Variants in STAU2 observed in about 807,000 individuals in gnomAD.
STAU2 encodes the protein double-stranded RNA-binding protein Staufen homolog 2.
A neutral mutation model predicts 65.9 loss-of-function variants in STAU2; 20 were observed. That is an observed-to-expected ratio of 0.30 (90% CI 0.21 to 0.44). The LOEUF is 0.44. Ranked by LOEUF, STAU2 falls within the 20% of genes least tolerant of loss-of-function variation. STAU2 has a pLI of 1.00. For synonymous variants in STAU2, 232 were observed against 233.9 expected (o/e 0.99, Z 0.07); for missense variants, 558 against 683.9 (o/e 0.82, Z 2.05).
chr8:73,577,636 G>T (rs1809674000), intron 12 of STAU2, among the ~76,000 whole-genome samples: 1 of 152,116 alleles, frequency 6.6e-6, no homozygotes, highest in South Asian at 2.1e-4. Context: ...ACAAAGAAAT[G>T]GGCCTAAGCT....
chr8:73,689,086 A>T (rs1164533786), intron 4 of STAU2, among the ~76,000 whole-genome samples: 1 of 152,212 alleles, frequency 6.6e-6, no homozygotes, highest in Admixed American at 6.5e-5. Flanking sequence ...CTCTAAATGG[A>T]ATCACAATGT....
intron 13 of STAU2, among the ~76,000 whole-genome samples, chr8:73,497,321 C>A (rs1253943739): frequency 6.6e-6 from 1 of 151,618 alleles, no homozygotes; most frequent in Non-Finnish European, 1.5e-5. Context: ...GAATAAACAT[C>A]CAAAATTACT....
intron 6 of STAU2, among the ~76,000 whole-genome samples, chr8:73,617,789 C>T (rs1296915720): frequency 1.3e-5 from 2 of 152,156 alleles, no homozygotes; most frequent in Admixed American, 1.3e-4. Flanking sequence ...ACAACAGAGG[C>T]TGGGTCAGGC....
intron 6 of STAU2, among the ~76,000 whole-genome samples, chr8:73,659,317 C>T (rs1816646067): frequency 6.6e-6 from 1 of 152,132 alleles, no homozygotes; most frequent in South Asian, 2.1e-4. Context: ...GCGGGCAGAT[C>T]ACCTGAGGTC....
intron 13 of STAU2, among the ~76,000 whole-genome samples, chr8:73,519,150 C>T (rs535985204): frequency 1.3e-5 from 2 of 152,242 alleles, no homozygotes; most frequent in Non-Finnish European, 2.9e-5. Context: ...GCGCTGCTGA[C>T]GTACAGAGCA....
At chr8:73,581,497 G>T (rs936707995) in intron 12 of STAU2, among the ~76,000 whole-genome samples, 4 of 152,112 alleles carry the variant, frequency 2.6e-5, no homozygotes, top group Non-Finnish European at 5.9e-5. Flanking sequence ...GTGCTTACTA[G>T]GAAACAGGTA....
At chr8:73,621,243 G>C (rs184126805) in intron 6 of STAU2, among the ~76,000 whole-genome samples, 38 of 152,220 alleles carry the variant, frequency 2.5e-4, no homozygotes, top group African/African-American at 8.7e-4. Context: ...TCTCATGATA[G>C]GGAGTGAGTT....
chr8:73,626,200 A>T (rs1294959657), intron 6 of STAU2, among the ~76,000 whole-genome samples: 1 of 152,196 alleles, frequency 6.6e-6, no homozygotes, highest in Non-Finnish European at 1.5e-5. Flanking sequence ...GTGACATTTG[A>T]ACACAGATTT....
At chr8:73,471,425 T>A (rs4266641) in intron 13 of STAU2, among the ~76,000 whole-genome samples, 1 of 150,610 alleles carries the variant, frequency 6.6e-6, no homozygotes, top group Admixed American at 6.6e-5. Context: ...TGGACTCAAG[T>A]GATCTGCCTA....
rs534062219 is a variant in STAU2 at position 73,589,055 on chromosome 8, T to C, written c.1161+6111A>G. Among the ~76,000 whole-genome samples the C allele has an allele frequency of 1.2e-4, 19 of 152,274 alleles. No homozygotes were observed. In the South Asian group the frequency reaches 3.7e-3, roughly 30 times the overall value. On this transcript the variant is annotated intron_variant, in intron 11 of 14. Coordinates refer to ENST00000524300, the MANE Select transcript of STAU2 (RefSeq NM_001164380.2). ...ACAGCAAAGAAGAGACCTCTAAACCTGAGGGCTGAGCAGAGAAACTGTGAA... is the reference window on the plus strand; with the variant it reads ...ACAGCAAAGAAGAGACCTCTAAACCCGAGGGCTGAGCAGAGAAACTGTGAA...
At chr8:73,700,188 T>C (rs1225161223) in intron 4 of STAU2, among the ~76,000 whole-genome samples, 2 of 152,096 alleles carry the variant, frequency 1.3e-5, no homozygotes, top group African/African-American at 2.4e-5. Context: ...ATAAAAGCCA[T>C]ATATGACAGA....
intron 13 of STAU2, among the ~76,000 whole-genome samples, chr8:73,460,652 C>T (rs1219508318): frequency 6.6e-6 from 1 of 152,182 alleles, no homozygotes; most frequent in Non-Finnish European, 1.5e-5. Flanking sequence ...CTGTCTTGTG[C>T]ATTCTCTAGT....
chr8:73,621,945 TTCTC>T (rs1181485521), intron 6 of STAU2, among the ~76,000 whole-genome samples: 6 of 149,556 alleles, frequency 4.0e-5, no homozygotes, highest in African/African-American at 7.4e-5. Context: ...GGTTAGGTCT[TTCTC>T]TCTTTTTTTT....
intron 13 of STAU2, among the ~76,000 whole-genome samples, chr8:73,540,857 T>C (rs1235816288): frequency 6.6e-6 from 1 of 152,164 alleles, no homozygotes; most frequent in Non-Finnish European, 1.5e-5. Context: ...CTTATAGTTC[T>C]ACTGGTGGAA....
chr8:73,454,067 A>T (rs968761266), intron 13 of STAU2, among the ~76,000 whole-genome samples: 2 of 151,868 alleles, frequency 1.3e-5, no homozygotes, highest in African/African-American at 2.4e-5. Flanking sequence ...ACAAAAAAAA[A>T]TTCAGAATAT....
chr8:73,706,418 C>T (rs1774309649), intron 4 of STAU2, among the ~76,000 whole-genome samples: 3 of 151,916 alleles, frequency 2.0e-5, no homozygotes, highest in Non-Finnish European at 4.4e-5. Context: ...TGCCCAGCCC[C>T]AAGAAAATTA....
intron 13 of STAU2, among the ~76,000 whole-genome samples, chr8:73,485,141 C>CTTTT (rs10524978): frequency 8.4e-5 from 7 of 82,854 alleles, no homozygotes; most frequent in Non-Finnish European, 1.3e-4. Context: ...CATCCTTACT[C>CTTTT]TTTTTTTTTT....
At chr8:73,605,878 TACACACACACACACACACACACACACAC>T (rs58486426) in intron 9 of STAU2, among the ~76,000 whole-genome samples, 26 of 117,840 alleles carry the variant, frequency 2.2e-4, no homozygotes, top group African/African-American at 8.3e-4. Context: ...CACACACACA[TACACACACACACACACACACACACACAC>T]ACACACACAC....
chr8:73,485,198 G>A (rs1023982596), intron 13 of STAU2, among the ~76,000 whole-genome samples: 2 of 134,236 alleles, frequency 1.5e-5, no homozygotes, highest in African/African-American at 5.7e-5. Context: ...TATCACCCAG[G>A]CTGGAGTGAT....
Sources: allele counts gnomAD v4.1 joint callset (sites outside exome capture counted in the v4.1 genomes callset), GRCh38; gene constraint gnomAD v4.1.1; transcripts MANE v1.5; gene names NCBI Gene and HGNC (gene_info 2026-07-23, HGNC 2026-07-21).